C11orf42: variants seen among roughly 807,000 people sequenced by gnomAD.
C11orf42 encodes uncharacterized protein C11orf42.
Under a neutral mutation model 27.9 loss-of-function variants are expected in C11orf42, and 24 were observed. The observed-to-expected ratio is 0.86, with a 90% CI of 0.62 to 1.21. The LOEUF is 1.21. C11orf42 is among the 50% of genes most tolerant of loss of function. The probability of loss-of-function intolerance (pLI) is 0.00; values close to 1 mark genes in which losing one functional copy is unlikely to be tolerated. For missense variants in C11orf42, 455 were observed against 424.1 expected (o/e 1.07, Z -0.64); for synonymous variants, 187 against 180.8 (o/e 1.03, Z -0.28).
chr11:6,210,595 G>A lies in C11orf42; in HGVS notation c.818G>A (p.Arg273Lys). 2 of 1,614,098 alleles carry A rather than the reference G, an allele frequency of 1.2e-6. No homozygotes were observed. Among genetic ancestry groups the A allele is most frequent in the Non-Finnish European group, 1.7e-6 (2 of 1,180,012 alleles). ...PQEGPEDKPT[R>K]FSYKGRNPFW... ...GAAGGGCCAGAGGACAAACCCACCA[G>A]ATTCTCCTACAAGGGCCGAAACCCC... The change falls in exon 2 of 3, where the codon AGA becomes AAA. Residue 273 changes from arginine (R) to lysine (K), a missense_variant. Coordinates refer to ENST00000316375, the MANE Select transcript of C11orf42 (RefSeq NM_173525.3). The surrounding 1 kb of genome is among the most constrained non-coding windows in gnomAD (Gnocchi z 4.0).
In C11orf42 at chr11:6,210,285, T is replaced by TGGCTGCAGCTGGGGCTGAC; in HGVS notation, c.510_528dup (p.Ser177AlafsTer11). 6.2e-7 allele frequency: 1 copy of TGGCTGCAGCTGGGGCTGAC among 1,614,230 alleles called. No individual in the cohort carries two copies. The highest frequency in any genetic ancestry group is 8.5e-7 in the Non-Finnish European group (1 of 1,180,034). The stretch of plus-strand genomic sequence containing the variant: ...CATCTACCAGGTCTTCTCTTGTTCC[T>TGGCTGCAGCTGGGGCTGAC]GGCTGCAGCTGGGGCTGACGTCTAC... On this transcript the variant is annotated frameshift_variant, in exon 2 of 3. Transcript: ENST00000316375. LOFTEE classifies it high-confidence loss of function. This position sits in a 1 kb window ranked among gnomAD's most constrained non-coding sequence, Gnocchi z 4.0.
At chr11:6,208,287 TC>T (rs1847002257) in intron 1 of C11orf42, among the ~76,000 whole-genome samples, 1 of 152,032 alleles carries the variant, frequency 6.6e-6, no homozygotes, top group Non-Finnish European at 1.5e-5. Context: ...GGCCTCAAAT[TC>T]CCTACAAGAA....
In C11orf42 at chr11:6,210,747, A is replaced by AC; in HGVS notation, c.871+100dup. The stretch of plus-strand genomic sequence containing the variant: ...GTATGTGAGGAATCCATTACTCAGC[A>AC]CAGGGCTCTGGTGAAAGAGATGGAA... On this transcript the variant is annotated intron_variant, in intron 2 of 2. Coordinates refer to ENST00000316375, the MANE Select transcript of C11orf42 (RefSeq NM_173525.3). The surrounding 1 kb of genome is among the most constrained non-coding windows in gnomAD (Gnocchi z 4.0). 1 of 1,427,506 alleles carries AC rather than the reference A, an allele frequency of 7.0e-7. No individual in the cohort carries two copies. Among genetic ancestry groups the AC allele is most frequent in the Non-Finnish European group, 9.5e-7 (1 of 1,052,218 alleles). 88.4% of individuals were successfully genotyped at this position (1,427,506 alleles called of 1,614,324 possible). A position where few individuals can be genotyped will look rare whatever the true frequency, so the allele number is the denominator to read the frequency against.
At position 6,205,573 on chromosome 11, in the gene C11orf42, C is replaced by T. The variant is rs753947415; in HGVS notation, c.-43C>T. On this transcript the variant is annotated 5_prime_UTR_variant, in exon 1 of 3. Coordinates refer to ENST00000316375, the MANE Select transcript of C11orf42 (RefSeq NM_173525.3). ...CACCTCCCTGGGCTGCCTGGGGTTCCTGCAGCAGCCACTGCCCTGCCCAAT... is the reference window on the plus strand; with the variant it reads ...CACCTCCCTGGGCTGCCTGGGGTTCTTGCAGCAGCCACTGCCCTGCCCAAT... 6.5e-7 allele frequency: 1 copy of T among 1,544,954 alleles called. No homozygotes were observed. Among genetic ancestry groups the T allele is most frequent in the African/African-American group, 1.4e-5 (1 of 73,272 alleles).
chr11:6,206,436 T>C (rs889789255), intron 1 of C11orf42, among the ~76,000 whole-genome samples: 1 of 152,164 alleles, frequency 6.6e-6, no homozygotes, highest in Admixed American at 6.5e-5. Context: ...CAACAAATCC[T>C]ACCAAATCAC....
chr11:6,209,750 A>T, intron 1 of C11orf42, 100 bp from the exon 2 acceptor site: 1 of 1,182,988 alleles, frequency 8.5e-7, no homozygotes, highest in South Asian at 1.5e-5. Context: ...TGAACACATT[A>T]TAGAGATGTA....
At chr11:6,208,557 G>C (rs1204074538) in intron 1 of C11orf42, among the ~76,000 whole-genome samples, 1 of 152,134 alleles carries the variant, frequency 6.6e-6, no homozygotes, top group Non-Finnish European at 1.5e-5. Context: ...ATCATGAGTA[G>C]CTGGGATTAC....
chr11:6,209,778 G>T, intron 1 of C11orf42, 72 bp from the exon 2 acceptor site: 1 of 1,419,204 alleles, frequency 7.0e-7, no homozygotes, highest in Non-Finnish European at 9.6e-7. Flanking sequence ...GTGAACCTGG[G>T]GGTCAATTTA....
At chr11:6,209,773 C>G in intron 1 of C11orf42, 77 bp from the exon 2 acceptor site, 1 of 1,398,950 alleles carries the variant, frequency 7.1e-7, no homozygotes, top group South Asian at 1.4e-5. Flanking sequence ...TGAACGTGAA[C>G]CTGGGGGTCA....
At chr11:6,209,794 G>C in intron 1 of C11orf42, 56 bp from the exon 2 acceptor site, 1 of 1,502,574 alleles carries the variant, frequency 6.7e-7, no homozygotes, top group Non-Finnish European at 9.0e-7. Context: ...ATTTAAAGTA[G>C]GCAACCAGTT....
intron 1 of C11orf42, among the ~76,000 whole-genome samples, chr11:6,207,767 G>T (rs1590593298): frequency 1.3e-5 from 2 of 152,302 alleles, no homozygotes; most frequent in African/African-American, 4.8e-5. Flanking sequence ...CTTATCCAAG[G>T]TGCAGATGCA....
At position 6,210,745 on chromosome 11, in the gene C11orf42, G is replaced by GCA. The variant is rs1847048601; in HGVS notation, c.871+100_871+101dup. 1 of 1,422,404 alleles carries GCA rather than the reference G, an allele frequency of 7.0e-7. No individual in the cohort carries two copies. Among genetic ancestry groups the GCA allele is most frequent in the East Asian group, 2.4e-5 (1 of 40,930 alleles). The allele number at this position is 1,422,404 out of a possible 1,614,324, so 88.1% of individuals were successfully genotyped here. A position where few individuals can be genotyped will look rare whatever the true frequency, so the allele number is the denominator to read the frequency against. On this transcript the variant is annotated intron_variant, in intron 2 of 2. Transcript: ENST00000316375. The surrounding 1 kb of genome is among the most constrained non-coding windows in gnomAD (Gnocchi z 4.0). ...AAGTATGTGAGGAATCCATTACTCA[G>GCA]CACAGGGCTCTGGTGAAAGAGATGG...
chr11:6,208,924 C>G (rs1032461005), intron 1 of C11orf42, among the ~76,000 whole-genome samples: 1 of 152,010 alleles, frequency 6.6e-6, no homozygotes, highest in African/African-American at 2.4e-5. Flanking sequence ...TCTGTAATCT[C>G]AACACTTTGG....
chr11:6,208,133 G>A (rs992306531), intron 1 of C11orf42, among the ~76,000 whole-genome samples: 2 of 152,012 alleles, frequency 1.3e-5, no homozygotes, highest in Non-Finnish European at 1.5e-5. Context: ...TTCCCAATTA[G>A]TCATGAAATA....
chr11:6,205,590 C>A lies in C11orf42; in HGVS notation c.-26C>A. ...TGGGGTTCCTGCAGCAGCCACTGCC[C>A]TGCCCAATCCCTCCCATACCCCACC... is the stretch of plus-strand genomic sequence containing the variant. On this transcript the variant is annotated 5_prime_UTR_variant, in exon 1 of 3. It adds an upstream start codon to the 5' untranslated region. Coordinates refer to ENST00000316375, the MANE Select transcript of C11orf42 (RefSeq NM_173525.3). 1 of 1,604,018 alleles carries A rather than the reference C, an allele frequency of 6.2e-7. No individual in the cohort carries two copies. Among genetic ancestry groups the A allele is most frequent in the Non-Finnish European group, 8.5e-7 (1 of 1,172,226 alleles).
chr11:6,209,775 TG>T, intron 1 of C11orf42, 74 bp from the exon 2 acceptor site: 2 of 1,410,304 alleles, frequency 1.4e-6, no homozygotes, highest in Non-Finnish European at 1.9e-6. Flanking sequence ...AACGTGAACC[TG>T]GGGGTCAATT....
rs1046326227 is a variant in C11orf42, at chr11:6,210,123, T to G, written c.346T>G (p.Leu116Val). 5 of 1,614,198 alleles carry G rather than the reference T, an allele frequency of 3.1e-6. No homozygotes were observed. In the East Asian group the frequency reaches 1.1e-4, roughly 36 times the overall value. Residue 116 changes from leucine (L) to valine (V), a missense_variant, in exon 2 of 3, where the codon TTG (leucine) becomes GTG (valine). Coordinates refer to ENST00000316375, the MANE Select transcript of C11orf42 (RefSeq NM_173525.3). The surrounding 1 kb of genome is among the most constrained non-coding windows in gnomAD (Gnocchi z 4.0). ...GAGAGCCTATGAAGAGACGCGAATG[T>G]TGGATGGACAGCCCTGCAAGATCCG... The part of the protein sequence containing the change: ...AERAYEETRM[L>V]DGQPCKIRLH...
chr11:6,207,311 T>C (rs777043315), intron 1 of C11orf42, among the ~76,000 whole-genome samples: 1 of 152,196 alleles, frequency 6.6e-6, no homozygotes, highest in Non-Finnish European at 1.5e-5. Context: ...CCTGTCAGCA[T>C]ATAGGAAGAG....
At chr11:6,209,677 T>G (rs1183382262) in intron 1 of C11orf42, among the ~76,000 whole-genome samples, 173 bp from the exon 2 acceptor site, 1 of 152,248 alleles carries the variant, frequency 6.6e-6, no homozygotes, top group East Asian at 1.9e-4. Flanking sequence ...TTAGATAGTT[T>G]GACACGTAAA....
Sources: gnomAD v4.1 joint callset for allele counts (sites outside exome capture counted in the v4.1 genomes callset) on GRCh38, gnomAD v4.1.1 for gene constraint, Gnocchi (gnomAD v3.1) non-coding constraint, MANE v1.5 for transcripts, NCBI Gene and HGNC (gene_info 2026-07-23, HGNC 2026-07-21) for gene names.